ZNF169: variants seen among roughly 807,000 people sequenced by gnomAD.
ZNF169 encodes the protein zinc finger protein 169.
In ZNF169, 11 loss-of-function variants were observed where a neutral mutation model predicts 12.0. That is an observed-to-expected ratio of 0.92 (90% CI 0.58 to 1.52). The LOEUF (loss-of-function observed/expected upper bound fraction) is 1.52. Ranked by LOEUF, ZNF169 falls within the 40% of genes most tolerant of loss-of-function variation. ZNF169 has a pLI of 0.00. For synonymous variants in ZNF169, 302 were observed against 286.5 expected (o/e 1.05, Z -0.55); for missense variants, 722 against 744.0 (o/e 0.97, Z 0.34).
intron 2 of ZNF169, among the ~76,000 whole-genome samples, chr9:94,289,315 C>G (rs1277993681): frequency 6.6e-6 from 1 of 152,068 alleles, no homozygotes; most frequent in Non-Finnish European, 1.5e-5. Context: ...GGAAGGATTG[C>G]TGTAGACTGG....
chr9:94,259,926 GTCTC>G (rs1165244020), intron 1 of ZNF169, among the ~76,000 whole-genome samples: 2 of 152,082 alleles, frequency 1.3e-5, no homozygotes, highest in African/African-American at 2.4e-5. Context: ...TTGAAACAGA[GTCTC>G]TCTCTGTCGC....
chr9:94,272,047 G>A (rs1486226573), intron 1 of ZNF169, among the ~76,000 whole-genome samples: 1 of 151,896 alleles, frequency 6.6e-6, no homozygotes, highest in Non-Finnish European at 1.5e-5. Flanking sequence ...TTTTAGTTTT[G>A]GTAAACCTTA....
intron 2 of ZNF169, among the ~76,000 whole-genome samples, chr9:94,291,903 T>C (rs1164429639): frequency 6.6e-6 from 1 of 152,252 alleles, no homozygotes; most frequent in Non-Finnish European, 1.5e-5. Flanking sequence ...TCTCACCAAA[T>C]TGATATACAG....
At chr9:94,264,477 T>C (rs1232438196) in intron 1 of ZNF169, among the ~76,000 whole-genome samples, 1 of 152,160 alleles carries the variant, frequency 6.6e-6, no homozygotes, top group African/African-American at 2.4e-5. Flanking sequence ...AGAAATAGTC[T>C]TTTTTGGGTG....
intron 1 of ZNF169, among the ~76,000 whole-genome samples, chr9:94,275,116 A>T (rs1336785223): frequency 6.6e-6 from 1 of 152,172 alleles, no homozygotes; most frequent in African/African-American, 2.4e-5. Context: ...ACACATCTGT[A>T]GCCACAGCTA....
In ZNF169 at chr9:94,270,769, GTT is replaced by G. The variant is rs1487939351; in HGVS notation, c.-55-7988_-55-7987del. On this transcript the variant is annotated intron_variant, in intron 1 of 4. Transcript: ENST00000395395. ...ATTTATATAATATATAAATATATAT[GTT>G]ATATATTATATAAATATATATAAAT... Among the ~76,000 whole-genome samples, 42 of 53,122 alleles carry G rather than the reference GTT, an allele frequency of 7.9e-4. 2 individuals carry two copies. The highest frequency in any genetic ancestry group is 1.8e-3 in the African/African-American group (31 of 17,554). The allele number at this position is 53,122 out of a possible 152,430, so 34.9% of individuals were successfully genotyped here.
rs138685347 is a variant in ZNF169, at chr9:94,274,116, C to T, written c.-55-4642C>T. 5.5e-4 allele frequency among the ~76,000 whole-genome samples: 84 copies of T among 152,266 alleles called. No individual in the cohort carries two copies. In the South Asian group the frequency reaches 7.5e-3, roughly 14 times the overall value. On this transcript the variant is annotated intron_variant, in intron 1 of 4. Transcript: ENST00000395395. The stretch of plus-strand genomic sequence containing the variant: ...CTGTGTCTTCACATGGTCTTCCCAC[C>T]GGAAGTTTTTATGTCCAAATTTTCT...
chr9:94,275,600 CTT>C (rs1201027693), intron 1 of ZNF169, among the ~76,000 whole-genome samples: 2 of 152,256 alleles, frequency 1.3e-5, no homozygotes, highest in Admixed American at 1.3e-4. Context: ...GTCTATTTCT[CTT>C]TCTCCTATTC....
At chr9:94,260,316 G>A (rs752005988) in intron 1 of ZNF169, among the ~76,000 whole-genome samples, 13 of 152,232 alleles carry the variant, frequency 8.5e-5, no homozygotes, top group South Asian at 2.1e-4. Flanking sequence ...GCCTCCCAAA[G>A]TACTGGGATT....
intron 2 of ZNF169, among the ~76,000 whole-genome samples, chr9:94,281,803 T>G (rs1252770622): frequency 2.0e-5 from 3 of 152,230 alleles, no homozygotes; most frequent in African/African-American, 7.2e-5. Flanking sequence ...TGAGTTTGTC[T>G]GAAGACCTGG....
At chr9:94,294,424 C>G (rs981018535) in intron 4 of ZNF169, 1 of 151,576 alleles carries the variant, frequency 6.6e-6, no homozygotes, top group Non-Finnish European at 1.5e-5. Context: ...GGTGACAGAG[C>G]GAGTCTCCAT....
At chr9:94,279,251 C>T (rs1428467929) in intron 2 of ZNF169, among the ~76,000 whole-genome samples, 1 of 151,840 alleles carries the variant, frequency 6.6e-6, no homozygotes, top group African/African-American at 2.4e-5. Flanking sequence ...ATTAGCTGGG[C>T]GTGGTGGTGG....
At chr9:94,288,440 C>T in intron 2 of ZNF169, 1 of 1,130,110 alleles carries the variant, frequency 8.8e-7, no homozygotes, top group Non-Finnish European at 1.3e-6. Flanking sequence ...AATTCCAATC[C>T]ATTCTTCTCT....
intron 1 of ZNF169, among the ~76,000 whole-genome samples, chr9:94,263,933 T>C (rs1464929860): frequency 6.6e-6 from 1 of 152,174 alleles, no homozygotes; most frequent in Non-Finnish European, 1.5e-5. Context: ...TTTTAGTGCC[T>C]GCTTTAGAGA....
intron 2 of ZNF169, chr9:94,287,763 A>T: frequency 1.4e-6 from 2 of 1,394,244 alleles, no homozygotes; most frequent in Non-Finnish European, 1.0e-6. Flanking sequence ...CTTGCCATCC[A>T]GGAGAGCTGA....
At chr9:94,287,884 C>G in intron 2 of ZNF169, 1 of 984,248 alleles carries the variant, frequency 1.0e-6, no homozygotes, top group Non-Finnish European at 1.6e-6. Flanking sequence ...TGATACTTGG[C>G]TGCTATTCCG....
chr9:94,300,254 GCAT>G lies in ZNF169; in HGVS notation c.700_702del (p.His234del), dbSNP rs769656338. 9 of 1,614,114 alleles carry G rather than the reference GCAT, an allele frequency of 5.6e-6. No homozygotes were observed. The highest frequency in any genetic ancestry group is 6.8e-6 in the Non-Finnish European group (8 of 1,180,054). On this transcript the variant is annotated inframe_deletion, in exon 5 of 5. Coordinates refer to ENST00000395395, the MANE Select transcript of ZNF169 (RefSeq NM_194320.4). ...AGTCAAGCCTGTTCAGCCACCAGAAGCATCATGTGTGCCCTGAATGCGGGAGAG... is the reference window on the plus strand; with the variant it reads ...AGTCAAGCCTGTTCAGCCACCAGAAGCATGTGTGCCCTGAATGCGGGAGAG...
intron 2 of ZNF169, among the ~76,000 whole-genome samples, chr9:94,280,135 G>A (rs950579363): frequency 1.3e-5 from 2 of 152,130 alleles, no homozygotes; most frequent in African/African-American, 2.4e-5. Context: ...ATATTCTGGG[G>A]CTCATGGTGG....
At chr9:94,277,269 G>GTTTTATT (rs1214004106) in intron 1 of ZNF169, among the ~76,000 whole-genome samples, 5 of 152,104 alleles carry the variant, frequency 3.3e-5, no homozygotes, top group Non-Finnish European at 5.9e-5. Context: ...ATTGTGCAGA[G>GTTTTATT]GAAGCTCTCA....
Sources: allele counts gnomAD v4.1 joint callset (sites outside exome capture counted in the v4.1 genomes callset), GRCh38; gene constraint gnomAD v4.1.1; transcripts MANE v1.5; gene names NCBI Gene and HGNC (gene_info 2026-07-23, HGNC 2026-07-21).